Variants in MASP1 observed in about 807,000 individuals in gnomAD.
The protein encoded by MASP1 is MBL associated serine protease 1, also known as mannan-binding lectin serine protease 1.
A neutral mutation model predicts 77.1 loss-of-function variants in MASP1; 59 were observed. The observed-to-expected ratio is 0.77, with a 90% CI of 0.62 to 0.95. The LOEUF (loss-of-function observed/expected upper bound fraction) is 0.95, where lower values mean the gene tolerates loss of function less well. Among genes scored for constraint, MASP1 ranks in the 40% least tolerant of loss-of-function variants. The pLI, the probability that MASP1 is intolerant of heterozygous loss-of-function variation, is 0.00. For synonymous variants in MASP1, 362 were observed against 354.5 expected (o/e 1.02, Z -0.24); for missense variants, 885 against 912.9 (o/e 0.97, Z 0.39).
chr3:187,220,069 A>G, exon 16 of MASP1: 1 of 1,613,360 alleles, frequency 6.2e-7, no homozygotes, highest in Non-Finnish European at 8.5e-7. Context: ...GAGGAGCCAA[A>G]TTCAGTTCCT....
chr3:187,268,909 A>G (rs1716284604), intron 2 of MASP1, among the ~76,000 whole-genome samples: 1 of 152,230 alleles, frequency 6.6e-6, no homozygotes, highest in East Asian at 1.9e-4. Context: ...TACCAAAAAT[A>G]CAAAAATTAG....
rs766392685 is a variant in MASP1 at position 187,220,200 on chromosome 3, T to C, written c.1971A>G (p.Arg657=). ...CAGTGCCCACCAGGTACCACTGGCC[T>C]CTTTCTCTATTCAGGGTCACCATGG... Residue 657 remains arginine, a synonymous_variant, in exon 16 of 16, where the codon AGA becomes AGG. Transcript: ENST00000337774. The C allele has an allele frequency of 2.5e-6, 4 of 1,614,198 alleles. No homozygotes were observed. The Admixed American group carries it at 6.7e-5, about 27-fold the overall frequency.
intron 8 of MASP1, among the ~76,000 whole-genome samples, chr3:187,247,942 T>C (rs1714238494): frequency 6.6e-6 from 1 of 152,202 alleles, no homozygotes; most frequent in South Asian, 2.1e-4. Flanking sequence ...ATCTATCTTT[T>C]TAAAATTTTT....
At chr3:187,223,272 A>G (rs1368665558) in intron 13 of MASP1, 1 of 1,141,232 alleles carries the variant, frequency 8.8e-7, no homozygotes, top group African/African-American at 1.5e-5. Flanking sequence ...CAGCTCCATC[A>G]TCCTCTTCTG....
intron 14 of MASP1, among the ~76,000 whole-genome samples, chr3:187,222,219 T>A (rs1712104494): frequency 6.6e-6 from 1 of 152,194 alleles, no homozygotes; most frequent in East Asian, 1.9e-4. Flanking sequence ...TTCTCTTTCA[T>A]ATGTTCTGGA....
intron 2 of MASP1, among the ~76,000 whole-genome samples, chr3:187,284,640 C>A (rs934329041): frequency 6.6e-6 from 1 of 152,160 alleles, no homozygotes; most frequent in African/African-American, 2.4e-5. Context: ...GTATCTTAGG[C>A]TCAGTGGAGA....
At chr3:187,274,887 C>T (rs1716833561) in intron 2 of MASP1, among the ~76,000 whole-genome samples, 1 of 149,850 alleles carries the variant, frequency 6.7e-6, no homozygotes, top group Non-Finnish European at 1.5e-5. Flanking sequence ...GGGAGGGGTC[C>T]TGCCAAGAGC....
chr3:187,253,266 G>T lies in MASP1; in HGVS notation c.794C>A (p.Pro265Gln). ...GTGGCTCTGGGTGCTGATGGGTTCT[G>T]GGGCTTTCTCTCCACAGAAAGGCCC... ...VLGPFCGEKA[P>Q]EPISTQSHSV... Residue 265 changes from proline to glutamine, a missense_variant, in exon 6 of 11, where the codon CCA becomes CAA. Coordinates refer to ENST00000296280, the MANE Select transcript of MASP1 (RefSeq NM_139125.4). 2 of 1,614,110 alleles carry T rather than the reference G, an allele frequency of 1.2e-6. No homozygotes were observed. Among genetic ancestry groups the T allele is most frequent in the Non-Finnish European group, 1.7e-6 (2 of 1,180,020 alleles).
Position 187,282,508 on chromosome 3 carries a change from A to AG in MASP1, c.237+3316_237+3317insC, listed in dbSNP as rs1421407199. Among the ~76,000 whole-genome samples the AG allele has an allele frequency of 4.0e-4, 48 of 119,984 alleles. No individual in the cohort carries two copies. The East Asian group carries it at 6.6e-3, about 16-fold the overall frequency. The allele number at this position is 119,984 out of a possible 152,430, so 78.7% of individuals were successfully genotyped here. A position where few individuals can be genotyped will look rare whatever the true frequency, so the allele number is the denominator to read the frequency against. ...AAGATTCCGTTTCAAAAAAAAAAAA[A>AG]AAAAGAAGAAGAAGAAAACGTGTAC... On this transcript the variant is annotated intron_variant, in intron 2 of 10. Coordinates refer to ENST00000296280, the MANE Select transcript of MASP1 (RefSeq NM_139125.4).
intron 2 of MASP1, among the ~76,000 whole-genome samples, chr3:187,273,748 G>T (rs1716721571): frequency 6.6e-6 from 1 of 152,176 alleles, no homozygotes; most frequent in African/African-American, 2.4e-5. Context: ...AACGAAGGAG[G>T]CATCTGGTAT....
intron 2 of MASP1, among the ~76,000 whole-genome samples, chr3:187,266,512 G>C (rs1381849715): frequency 1.3e-5 from 2 of 152,160 alleles, no homozygotes; most frequent in Non-Finnish European, 2.9e-5. Context: ...CATTTAGGAA[G>C]AAGAGAATAA....
chr3:187,239,743 G>T (rs1276084485), intron 10 of MASP1, among the ~76,000 whole-genome samples: 1 of 152,214 alleles, frequency 6.6e-6, no homozygotes, highest in African/African-American at 2.4e-5. Context: ...TCAGCGGAAT[G>T]GGTGGGATGA....
At chr3:187,256,535 C>G in intron 5 of MASP1, 129 bp downstream of exon 5, 1 of 829,016 alleles carries the variant, frequency 1.2e-6, no homozygotes, top group South Asian at 1.5e-5. Context: ...TTAAATAATG[C>G]CTTTTTGAGG....
At chr3:187,240,266 C>T (rs1713522881) in intron 10 of MASP1, among the ~76,000 whole-genome samples, 2 of 152,002 alleles carry the variant, frequency 1.3e-5, no homozygotes, top group Non-Finnish European at 2.9e-5. Flanking sequence ...TGTAGGGTTA[C>T]TGAAATGTAC....
downstream of MASP1, among the ~76,000 whole-genome samples, chr3:187,233,676 C>T (rs535685795): frequency 6.6e-6 from 1 of 152,348 alleles, no homozygotes; most frequent in African/African-American, 2.4e-5. Flanking sequence ...GCTGGTTTTG[C>T]TCTCAGCGTG....
At chr3:187,268,273 G>C (rs751763490) in intron 2 of MASP1, among the ~76,000 whole-genome samples, 26 of 152,060 alleles carry the variant, frequency 1.7e-4, no homozygotes, top group Non-Finnish European at 3.4e-4. Flanking sequence ...CTTGAGCCCA[G>C]GAGTTCAACA....
chr3:187,239,175 T>C (rs1223969781), intron 10 of MASP1, among the ~76,000 whole-genome samples: 1 of 144,250 alleles, frequency 6.9e-6, no homozygotes, highest in East Asian at 2.1e-4. Flanking sequence ...AAACCCCGTC[T>C]CTACTAAAAA....
chr3:187,247,931 TA>T (rs1457831014), intron 8 of MASP1, among the ~76,000 whole-genome samples: 1 of 152,196 alleles, frequency 6.6e-6, no homozygotes, highest in East Asian at 1.9e-4. Context: ...TCAGGTGTGA[TA>T]TCTATCTTTT....
Position 187,266,337 on chromosome 3 carries a change from G to A in MASP1, c.238-3617C>T, listed in dbSNP as rs557276245. 2.3e-3 allele frequency among the ~76,000 whole-genome samples: 352 copies of A among 152,284 alleles called. 2 individuals are homozygous for A. The highest frequency in any genetic ancestry group is 4.2e-3 in the Non-Finnish European group (286 of 68,012). On this transcript the variant is annotated intron_variant, in intron 2 of 10. Transcript: ENST00000296280. Reference sequence around the variant, plus strand: ...TTTGTTATACGAGCTCAATAAGCAAGTTCCCTGCCTCTAGGAATGTGACAC... The same window carrying A: ...TTTGTTATACGAGCTCAATAAGCAAATTCCCTGCCTCTAGGAATGTGACAC...
Sources: gnomAD v4.1 joint callset for allele counts (sites outside exome capture counted in the v4.1 genomes callset) on GRCh38, gnomAD v4.1.1 for gene constraint, MANE v1.5 for transcripts, NCBI Gene and HGNC (gene_info 2026-07-23, HGNC 2026-07-21) for gene names.